Variants in RETREG1 observed in about 807,000 individuals in gnomAD.
The protein encoded by RETREG1 is family with sequence similarity 134 member B.
Under a neutral mutation model 54.8 loss-of-function variants are expected in RETREG1, and 44 were observed. The ratio of observed to expected loss-of-function variants is 0.80; its 90% CI spans 0.63 to 1.03. The LOEUF (loss-of-function observed/expected upper bound fraction) is 1.03, where lower values mean the gene tolerates loss of function less well. Ranked by LOEUF, RETREG1 falls within the 50% of genes least tolerant of loss-of-function variation. The probability of loss-of-function intolerance (pLI) is 0.00; values close to 1 mark genes in which losing one functional copy is unlikely to be tolerated. For synonymous variants in RETREG1, 217 were observed against 238.5 expected (o/e 0.91, Z 0.83); for missense variants, 554 against 605.1 (o/e 0.92, Z 0.89).
At chr5:16,510,588 G>A (rs981737190) in intron 3 of RETREG1, among the ~76,000 whole-genome samples, 44 of 151,806 alleles carry the variant, frequency 2.9e-4, no homozygotes, top group African/African-American at 1.1e-3. Context: ...TTAGGAGTTC[G>A]AGACCAGCCT....
At chr5:16,481,903 T>A (rs1410240834) in intron 4 of RETREG1, among the ~76,000 whole-genome samples, 1 of 152,050 alleles carries the variant, frequency 6.6e-6, no homozygotes, top group Non-Finnish European at 1.5e-5. Context: ...TCTTACATTT[T>A]TCGTCATCTT....
chr5:16,494,771 A>G (rs1459917037), intron 3 of RETREG1, among the ~76,000 whole-genome samples: 3 of 152,212 alleles, frequency 2.0e-5, no homozygotes, highest in Non-Finnish European at 4.4e-5. Context: ...GAAAATTGGT[A>G]CTGAAGAGTG....
intron 1 of RETREG1, among the ~76,000 whole-genome samples, chr5:16,596,785 C>T (rs1742906489): frequency 2.0e-5 from 3 of 152,258 alleles, no homozygotes; most frequent in East Asian, 1.9e-4. Flanking sequence ...CCTGGAGACA[C>T]GTGACAAAGA....
intron 3 of RETREG1, among the ~76,000 whole-genome samples, chr5:16,521,166 TC>T (rs1395689916): frequency 6.6e-6 from 1 of 152,166 alleles, no homozygotes; most frequent in Non-Finnish European, 1.5e-5. Context: ...TCATTCCTCT[TC>T]TCATTAAAAC....
chr5:16,524,168 G>A (rs1309778585), intron 3 of RETREG1, among the ~76,000 whole-genome samples: 1 of 152,176 alleles, frequency 6.6e-6, no homozygotes, highest in African/African-American at 2.4e-5. Context: ...GAGCTGAGCC[G>A]ACCAGTCAGG....
At chr5:16,602,074 T>C (rs1046324038) in intron 1 of RETREG1, among the ~76,000 whole-genome samples, 2 of 152,216 alleles carry the variant, frequency 1.3e-5, no homozygotes, top group Admixed American at 6.5e-5. Context: ...TCTCAAAACA[T>C]GTATTTCCTC....
At chr5:16,606,037 C>G (rs1216605238) in intron 1 of RETREG1, among the ~76,000 whole-genome samples, 9 of 152,108 alleles carry the variant, frequency 5.9e-5, no homozygotes, top group Admixed American at 3.3e-4. Context: ...GCCTGAGAAC[C>G]AAAACACAGA....
intron 1 of RETREG1, among the ~76,000 whole-genome samples, chr5:16,579,476 C>CT (rs1166039341): frequency 1.3e-5 from 2 of 152,104 alleles, no homozygotes; most frequent in Admixed American, 6.5e-5. Flanking sequence ...ACAGCCTTTT[C>CT]TTTTTTTATA....
At chr5:16,483,266 C>G in intron 4 of RETREG1, 80 bp downstream of exon 4, 2 of 1,492,116 alleles carry the variant, frequency 1.3e-6, no homozygotes, top group Non-Finnish European at 1.9e-6. Flanking sequence ...AGAAATCTGA[C>G]AAGCTGATAA....
intron 1 of RETREG1, chr5:16,615,835 C>CCACA (rs1476900531): frequency 6.6e-6 from 1 of 152,224 alleles, no homozygotes; most frequent in African/African-American, 2.4e-5. Context: ...TTATTCTGCA[C>CCACA]TGTGTAGGTC....
At chr5:16,517,598 T>C (rs1740401165) in intron 3 of RETREG1, among the ~76,000 whole-genome samples, 1 of 152,104 alleles carries the variant, frequency 6.6e-6, no homozygotes, top group Admixed American at 6.6e-5. Flanking sequence ...CCCTAACATA[T>C]TGAGCTACAC....
intron 3 of RETREG1, among the ~76,000 whole-genome samples, chr5:16,516,881 G>A (rs957530715): frequency 2.6e-5 from 4 of 151,960 alleles, no homozygotes; most frequent in African/African-American, 4.8e-5. Context: ...TGGGAGGATC[G>A]CCTGAGCCCA....
chr5:16,494,385 T>C (rs984390006), intron 3 of RETREG1, among the ~76,000 whole-genome samples: 5 of 152,138 alleles, frequency 3.3e-5, no homozygotes, highest in African/African-American at 1.2e-4. Context: ...TCATGTCAAA[T>C]TGTAGTCCCA....
At chr5:16,486,199 T>C (rs1393633368) in intron 3 of RETREG1, among the ~76,000 whole-genome samples, 1 of 152,042 alleles carries the variant, frequency 6.6e-6, no homozygotes, top group Admixed American at 6.6e-5. Context: ...TTGTAAAGAG[T>C]AATAAGTGTT....
chr5:16,565,168 C>T (rs921515571), intron 3 of RETREG1, among the ~76,000 whole-genome samples: 1 of 152,178 alleles, frequency 6.6e-6, no homozygotes, highest in Non-Finnish European at 1.5e-5. Flanking sequence ...CCAGCCCTTT[C>T]CTTGTCCATT....
rs1421847306 is a variant in RETREG1, at chr5:16,594,342, A to C, written c.321-22240T>G. ...TAGAATAGATTTTTAAATGTGACTG[A>C]ATGAAAATGAGCCAAACGTGAAATG... On this transcript the variant is annotated intron_variant, in intron 1 of 8. Coordinates refer to ENST00000306320, the MANE Select transcript of RETREG1 (RefSeq NM_001034850.3). The surrounding 1 kb of genome is among the most constrained non-coding windows in gnomAD (Gnocchi z 4.4). Among the ~76,000 whole-genome samples the C allele has an allele frequency of 6.6e-6, 1 of 152,230 alleles. No individual in the cohort carries two copies. The highest frequency in any genetic ancestry group is 1.5e-5 in the Non-Finnish European group (1 of 68,044).
At chr5:16,541,264 G>C (rs964809600) in intron 3 of RETREG1, among the ~76,000 whole-genome samples, 6 of 152,128 alleles carry the variant, frequency 3.9e-5, no homozygotes, top group Admixed American at 1.3e-4. Flanking sequence ...CCAGCCTCCA[G>C]AACAGTGAGC....
At chr5:16,505,355 T>A (rs1305721260) in intron 3 of RETREG1, among the ~76,000 whole-genome samples, 2 of 152,104 alleles carry the variant, frequency 1.3e-5, no homozygotes, top group African/African-American at 4.8e-5. Flanking sequence ...ACACGACCAT[T>A]TTAAGTTTCA....
At chr5:16,477,484 A>G (rs1405056241) in intron 8 of RETREG1, among the ~76,000 whole-genome samples, 178 bp downstream of exon 8, 1 of 152,156 alleles carries the variant, frequency 6.6e-6, no homozygotes, top group Non-Finnish European at 1.5e-5. Context: ...GCTTCTTAGC[A>G]TGTTTTCAAG....
Sources: gnomAD v4.1 joint callset for allele counts (sites outside exome capture counted in the v4.1 genomes callset) on GRCh38, gnomAD v4.1.1 for gene constraint, Gnocchi (gnomAD v3.1) non-coding constraint, MANE v1.5 for transcripts, NCBI Gene and HGNC (gene_info 2026-07-23, HGNC 2026-07-21) for gene names.